The following CNTNAP2 variants were observed in gnomAD, a reference collection of about 807,000 sequenced individuals.
The protein encoded by CNTNAP2 is contactin associated protein 2.
A neutral mutation model predicts 155.2 loss-of-function variants in CNTNAP2; 98 were observed. That is an observed-to-expected ratio of 0.63 (90% CI 0.54 to 0.75). The LOEUF (loss-of-function observed/expected upper bound fraction) is 0.75, where lower values mean the gene tolerates loss of function less well. Among genes scored for constraint, CNTNAP2 ranks in the 30% least tolerant of loss-of-function variants. The pLI is 0.00. For missense variants in CNTNAP2, 1,727 were observed against 1,688.1 expected (o/e 1.02, Z -0.40); for synonymous variants, 651 against 631.2 (o/e 1.03, Z -0.47).
chr7:147,774,291 A>C (rs143270593), intron 13 of CNTNAP2, among the ~76,000 whole-genome samples: 1,846 of 152,304 alleles, frequency 0.012, 47 homozygotes, highest in African/African-American at 0.042. Context: ...GAACTTAAGG[A>C]ATAGCAGGGA....
chr7:147,863,619 A>G (rs1455642776), intron 13 of CNTNAP2, among the ~76,000 whole-genome samples: 2 of 152,212 alleles, frequency 1.3e-5, no homozygotes, highest in Non-Finnish European at 1.5e-5. Context: ...AATGATCACC[A>G]TTCTAACTGG....
chr7:147,255,768 C>A (rs950771551), intron 8 of CNTNAP2, among the ~76,000 whole-genome samples: 1 of 152,084 alleles, frequency 6.6e-6, no homozygotes, highest in South Asian at 2.1e-4. Flanking sequence ...ATTTATTGAG[C>A]CTTCGTCACC....
intron 1 of CNTNAP2, among the ~76,000 whole-genome samples, chr7:146,313,969 G>A (rs187309894): frequency 5.9e-4 from 89 of 151,946 alleles, no homozygotes; most frequent in African/African-American, 1.7e-3. Flanking sequence ...ACTGCACTCC[G>A]GTCTGTATGA....
rs533473499 is a variant in CNTNAP2, at chr7:147,942,930, G to A, written c.2256-34932G>A. On this transcript the variant is annotated intron_variant, in intron 14 of 23. Coordinates refer to ENST00000361727, the MANE Select transcript of CNTNAP2 (RefSeq NM_014141.6). ...CGGGTGCCTGTAGTCCCAGCTACTCGGGAGGCTGAGGCAGGAGAATGGCAT... is the reference window on the plus strand; with the variant it reads ...CGGGTGCCTGTAGTCCCAGCTACTCAGGAGGCTGAGGCAGGAGAATGGCAT... Among the ~76,000 whole-genome samples, 67 of 152,038 alleles carry A rather than the reference G, an allele frequency of 4.4e-4. 2 individuals carry two copies. The South Asian group carries it at 8.6e-3, about 19-fold the overall frequency.
intron 1 of CNTNAP2, among the ~76,000 whole-genome samples, chr7:146,663,432 A>G (rs1344590596): frequency 6.6e-6 from 1 of 151,528 alleles, no homozygotes; most frequent in Admixed American, 6.6e-5. Flanking sequence ...GAATAGCTGG[A>G]TCATATTTGA....
intron 13 of CNTNAP2, among the ~76,000 whole-genome samples, chr7:147,726,866 TATTATA>T (rs1337531572): frequency 6.6e-6 from 1 of 152,070 alleles, no homozygotes; most frequent in Non-Finnish European, 1.5e-5. Flanking sequence ...AGCATGTTTA[TATTATA>T]ATTAAATGAG....
intron 15 of CNTNAP2, among the ~76,000 whole-genome samples, chr7:148,049,542 C>T (rs1364090133): frequency 6.6e-6 from 1 of 152,170 alleles, no homozygotes; most frequent in East Asian, 1.9e-4. Flanking sequence ...GTATAGTTCA[C>T]ACCACACAAT....
At chr7:147,361,402 C>T (rs1161825734) in intron 9 of CNTNAP2, among the ~76,000 whole-genome samples, 1 of 152,272 alleles carries the variant, frequency 6.6e-6, no homozygotes, top group Non-Finnish European at 1.5e-5. Context: ...TTCCATTATT[C>T]GATCTGTCTA....
At chr7:147,824,671 T>C (rs979461912) in intron 13 of CNTNAP2, among the ~76,000 whole-genome samples, 5 of 152,070 alleles carry the variant, frequency 3.3e-5, no homozygotes, top group African/African-American at 9.7e-5. Context: ...TGATTCTTAA[T>C]ACTTGAAAAA....
intron 2 of CNTNAP2, among the ~76,000 whole-genome samples, chr7:146,789,453 C>G (rs924479230): frequency 2.6e-5 from 4 of 151,912 alleles, no homozygotes; most frequent in African/African-American, 9.7e-5. Flanking sequence ...TTTAAATAAT[C>G]TGAAAGTAAA....
At chr7:148,228,305 A>G (rs1256969293) in intron 19 of CNTNAP2, among the ~76,000 whole-genome samples, 1 of 152,164 alleles carries the variant, frequency 6.6e-6, no homozygotes, top group African/African-American at 2.4e-5. Context: ...CAGGATCTAC[A>G]TTGTCATATT....
At chr7:146,300,416 A>G (rs1800587688) in intron 1 of CNTNAP2, among the ~76,000 whole-genome samples, 1 of 151,870 alleles carries the variant, frequency 6.6e-6, no homozygotes, top group African/African-American at 2.4e-5. Flanking sequence ...GATTGGCCCT[A>G]TACTTGAACC....
At chr7:147,128,057 T>A (rs995021327) in intron 6 of CNTNAP2, among the ~76,000 whole-genome samples, 1 of 152,022 alleles carries the variant, frequency 6.6e-6, no homozygotes, top group Non-Finnish European at 1.5e-5. Flanking sequence ...TTGTCTTATT[T>A]CTTAAGATTT....
intron 13 of CNTNAP2, among the ~76,000 whole-genome samples, chr7:147,858,615 A>G (rs1584994750): frequency 1.3e-5 from 2 of 152,300 alleles, no homozygotes; most frequent in East Asian, 3.9e-4. Flanking sequence ...TGCAGATGTA[A>G]TCAAGTTCGG....
chr7:146,785,494 T>C (rs983923267), intron 2 of CNTNAP2, among the ~76,000 whole-genome samples: 1 of 152,228 alleles, frequency 6.6e-6, no homozygotes, highest in Non-Finnish European at 1.5e-5. Flanking sequence ...ATTTACTGCA[T>C]ATATTATTCT....
At chr7:147,253,838 A>G (rs979943921) in intron 8 of CNTNAP2, among the ~76,000 whole-genome samples, 5 of 152,156 alleles carry the variant, frequency 3.3e-5, no homozygotes, top group Admixed American at 6.5e-5. Flanking sequence ...TTCTGAGTGC[A>G]TCTTCTGTGC....
chr7:146,865,129 G>A (rs1340765332), intron 3 of CNTNAP2, among the ~76,000 whole-genome samples: 3 of 150,698 alleles, frequency 2.0e-5, no homozygotes, highest in Non-Finnish European at 2.9e-5. Flanking sequence ...TAGGACCAAA[G>A]ACTTGAAATA....
intron 9 of CNTNAP2, among the ~76,000 whole-genome samples, chr7:147,300,556 C>T (rs1310554935): frequency 2.0e-5 from 3 of 152,212 alleles, no homozygotes; most frequent in African/African-American, 4.8e-5. Flanking sequence ...AATTCATCCT[C>T]ATAATCCTCA....
chr7:147,702,862 T>C (rs1796258430), intron 13 of CNTNAP2, among the ~76,000 whole-genome samples: 2 of 152,190 alleles, frequency 1.3e-5, no homozygotes, highest in South Asian at 4.1e-4. Flanking sequence ...GGTCCTGCAT[T>C]TTCATTTTGT....
Sources: gnomAD v4.1 joint callset for allele counts (sites outside exome capture counted in the v4.1 genomes callset) on GRCh38, gnomAD v4.1.1 for gene constraint, MANE v1.5 for transcripts, NCBI Gene and HGNC (gene_info 2026-07-23, HGNC 2026-07-21) for gene names.